Variants in DDB2 observed in about 807,000 individuals in gnomAD.
DDB2 encodes the protein damage specific DNA binding protein 2.
In DDB2, 27 loss-of-function variants were observed where a neutral mutation model predicts 50.5. The observed-to-expected ratio is 0.53, with a 90% CI of 0.39 to 0.74. The LOEUF (loss-of-function observed/expected upper bound fraction) is 0.74. DDB2 is among the 30% of genes least tolerant of loss of function. The pLI is 0.00. For synonymous variants in DDB2, 176 were observed against 205.5 expected (o/e 0.86, Z 1.23); for missense variants, 424 against 545.6 (o/e 0.78, Z 2.22).
chr11:47,224,106 A>G (rs1385615323), intron 3 of DDB2, among the ~76,000 whole-genome samples: 2 of 152,104 alleles, frequency 1.3e-5, no homozygotes, highest in East Asian at 3.8e-4. Flanking sequence ...AAACAAAACA[A>G]AACATCCTGA....
chr11:47,234,584 G>T lies in DDB2; in HGVS notation c.614G>T (p.Cys205Phe). ...GTCTCTCCCTCCAGCATCTGGTTTT[G>T]TAGCCTGGATGTGTCTGCTAGTAGC... is the stretch of plus-strand genomic sequence containing the variant. ...ASSDTINIWF[C>F]SLDVSASSRM... The change falls in exon 5 of 10, where the codon TGT becomes TTT. Residue 205 changes from cysteine (C) to phenylalanine (F), a missense_variant. By Grantham distance (205) the Cys-to-Phe change is radical (BLOSUM62 -2). Transcript: ENST00000256996. 1.9e-6 allele frequency: 3 copies of T among 1,614,040 alleles called. No individual in the cohort carries two copies. The highest frequency in any genetic ancestry group is 2.5e-6 in the Non-Finnish European group (3 of 1,179,910).
intron 7 of DDB2, 114 bp from the exon 8 acceptor site, chr11:47,237,723 C>T (rs923119284): frequency 1.9e-5 from 21 of 1,119,758 alleles, no homozygotes; most frequent in Non-Finnish European, 2.8e-5. Context: ...GTGTGAGCCA[C>T]TGCACTCAGC....
intron 1 of DDB2, chr11:47,216,108 T>C: frequency 1.5e-6 from 1 of 678,566 alleles, no homozygotes; most frequent in Non-Finnish European, 2.7e-6. Flanking sequence ...CTGTATTTAC[T>C]TTCACTTCAG....
In DDB2 at chr11:47,238,982, A is replaced by G; in HGVS notation, c.*133A>G. The stretch of plus-strand genomic sequence containing the variant: ...TTAGGGTTGGAGCAGGGGTGCTGGG[A>G]CCTGGGGCACTGTGGGACTGGGACA... On this transcript the variant is annotated 3_prime_UTR_variant, in exon 10 of 10. Transcript: ENST00000256996. 1.1e-6 allele frequency: 1 copy of G among 887,820 alleles called. No homozygotes were observed. Among genetic ancestry groups the G allele is most frequent in the Non-Finnish European group, 1.8e-6 (1 of 561,958 alleles). 55.0% of individuals were successfully genotyped at this position (887,820 alleles called of 1,614,324 possible).
chr11:47,235,789 C>T (rs4647754), intron 7 of DDB2: 57,453 of 247,028 alleles, frequency 0.23, 8,544 homozygotes, highest in East Asian at 0.65. Context: ...CAGGGTCTCG[C>T]TCTGTCACCC....
intron 3 of DDB2, among the ~76,000 whole-genome samples, chr11:47,228,378 C>A (rs1450438894): frequency 6.6e-6 from 1 of 151,804 alleles, no homozygotes; most frequent in Non-Finnish European, 1.5e-5. Context: ...CGGTGGCTCA[C>A]TCCTGTAATC....
At chr11:47,229,696 T>C (rs1953615179) in intron 3 of DDB2, 1 of 311,274 alleles carries the variant, frequency 3.2e-6, no homozygotes, top group African/African-American at 2.3e-5. Flanking sequence ...TGATACAAAT[T>C]TAAGGTTTTC....
At chr11:47,238,759 G>GT (rs1270646829) in intron 9 of DDB2, 41 bp from the exon 10 acceptor site, 2 of 1,609,846 alleles carry the variant, frequency 1.2e-6, no homozygotes, top group East Asian at 4.5e-5. Context: ...TGAGAGATTG[G>GT]TAACAGAAAG....
upstream of DDB2, chr11:47,214,555 C>T: frequency 6.4e-6 from 1 of 156,972 alleles, no homozygotes; most frequent in Non-Finnish European, 1.4e-5. Context: ...AGTTAAAGAC[C>T]GGCCCGGACA....
chr11:47,222,157 CT>C (rs988025123), intron 3 of DDB2, among the ~76,000 whole-genome samples: 1 of 152,152 alleles, frequency 6.6e-6, no homozygotes, highest in Non-Finnish European at 1.5e-5. Context: ...TAATCCACCC[CT>C]CTCTACCCAA....
chr11:47,237,434 C>CTTT (rs564311013), intron 7 of DDB2, among the ~76,000 whole-genome samples: 4 of 139,216 alleles, frequency 2.9e-5, no homozygotes, highest in African/African-American at 5.3e-5. Context: ...GCAAATACTA[C>CTTT]TTTTTTTTTT....
intron 7 of DDB2, among the ~76,000 whole-genome samples, chr11:47,236,828 C>T (rs530986309): frequency 5.3e-5 from 8 of 152,348 alleles, no homozygotes; most frequent in Admixed American, 1.3e-4. Flanking sequence ...GATAATCCAT[C>T]TGTCTGCATG....
At chr11:47,227,354 G>A (rs371699747) in intron 3 of DDB2, among the ~76,000 whole-genome samples, 7 of 151,810 alleles carry the variant, frequency 4.6e-5, no homozygotes, top group African/African-American at 1.5e-4. Context: ...TGATCTACCC[G>A]CCTCGGCCTC....
At chr11:47,229,129 G>A (rs1953607404) in intron 3 of DDB2, among the ~76,000 whole-genome samples, 1 of 152,038 alleles carries the variant, frequency 6.6e-6, no homozygotes, top group African/African-American at 2.4e-5. Context: ...CTACAGTGCT[G>A]GAAGTGCCAG....
intron 3 of DDB2, among the ~76,000 whole-genome samples, chr11:47,227,922 A>G (rs1039020789): frequency 4.0e-5 from 6 of 151,816 alleles, no homozygotes; most frequent in African/African-American, 7.3e-5. Context: ...GGGTCGGATT[A>G]TGAGGTCAGG....
intron 3 of DDB2, chr11:47,229,828 T>A: frequency 2.4e-6 from 1 of 420,158 alleles, no homozygotes; most frequent in South Asian, 1.7e-5. Flanking sequence ...CTTTTTTTTT[T>A]TTTTTTTCTT....
At chr11:47,230,048 A>G (rs1350941097) in intron 3 of DDB2, among the ~76,000 whole-genome samples, 2 of 150,190 alleles carry the variant, frequency 1.3e-5, no homozygotes, top group African/African-American at 2.4e-5. Context: ...TGCCTGTAAC[A>G]GCACTTTGGG....
chr11:47,228,744 GT>G (rs1953597052), intron 3 of DDB2, among the ~76,000 whole-genome samples: 1 of 151,570 alleles, frequency 6.6e-6, no homozygotes, highest in Non-Finnish European at 1.5e-5. Context: ...ATCACTTGAA[GT>G]CAGGAGTTCG....
At chr11:47,235,047 G>A in intron 6 of DDB2, 113 bp downstream of exon 6, 1 of 1,362,226 alleles carries the variant, frequency 7.3e-7, no homozygotes, top group Non-Finnish European at 1.0e-6. Flanking sequence ...GATAGCGTCT[G>A]CCAAGCTGAT....
Sources: gnomAD v4.1 joint callset for allele counts (sites outside exome capture counted in the v4.1 genomes callset) on GRCh38, gnomAD v4.1.1 for gene constraint, MANE v1.5 for transcripts, NCBI Gene and HGNC (gene_info 2026-07-23, HGNC 2026-07-21) for gene names.